The following CELF2 variants were observed in gnomAD, a reference collection of about 807,000 sequenced individuals.
CELF2 encodes the protein CUG triplet repeat RNA-binding protein 2.
A neutral mutation model predicts 62.6 loss-of-function variants in CELF2; 8 were observed. That is an observed-to-expected ratio of 0.13 (90% CI 0.07 to 0.23). The LOEUF (loss-of-function observed/expected upper bound fraction) is 0.23, where lower values mean the gene tolerates loss of function less well. Among genes scored for constraint, CELF2 ranks in the 10% least tolerant of loss-of-function variants. The pLI is 1.00. For missense variants in CELF2, 333 were observed against 671.0 expected, an observed-to-expected ratio of 0.50 and a Z score of 5.56; for synonymous variants, 258 against 250.0, an observed-to-expected ratio of 1.03 and a Z score of -0.30.
intron 1 of CELF2, among the ~76,000 whole-genome samples, chr10:11,127,053 C>G (rs573735363): frequency 6.6e-6 from 1 of 152,034 alleles, no homozygotes; most frequent in African/African-American, 2.4e-5. Flanking sequence ...GCCAGCCCCC[C>G]GCCTCATGAC....
At chr10:10,676,788 A>T in the CELF2 span, among the ~76,000 whole-genome samples, 5 of 152,272 alleles carry the variant, frequency 3.3e-5, no homozygotes, top group South Asian at 1.0e-3. Context: ...ATCTAAGAAG[A>T]GCTGTTGTCC....
At chr10:10,495,355 G>A in the CELF2 span, among the ~76,000 whole-genome samples, 2 of 152,214 alleles carry the variant, frequency 1.3e-5, no homozygotes, top group African/African-American at 2.4e-5. Flanking sequence ...ACAGCTGTGA[G>A]TCATATCTTT....
At chr10:10,765,490 T>C in the CELF2 span, among the ~76,000 whole-genome samples, 1 of 152,174 alleles carries the variant, frequency 6.6e-6, no homozygotes, top group Non-Finnish European at 1.5e-5. Context: ...CACTTACCTG[T>C]GCCCTTGCGT....
At chr10:10,779,196 T>C in the CELF2 span, among the ~76,000 whole-genome samples, 2 of 152,192 alleles carry the variant, frequency 1.3e-5, no homozygotes, top group African/African-American at 4.8e-5. Flanking sequence ...GACCCTCTTA[T>C]GTAACAGCGT....
the CELF2 span, among the ~76,000 whole-genome samples, chr10:10,468,429 G>T: frequency 0.013 from 1,943 of 152,048 alleles, 40 homozygotes; most frequent in African/African-American, 0.045. Flanking sequence ...TCCATCTCCT[G>T]TTACAATTCC....
chr10:10,838,175 G>A (rs942421280), intron 1 of CELF2, among the ~76,000 whole-genome samples: 3 of 152,050 alleles, frequency 2.0e-5, no homozygotes, highest in Non-Finnish European at 4.4e-5. Flanking sequence ...ATATTTTGTC[G>A]AATGCTCCTC....
intron 1 of CELF2, among the ~76,000 whole-genome samples, chr10:10,879,050 C>G (rs901503295): frequency 6.6e-6 from 1 of 152,196 alleles, no homozygotes; most frequent in Non-Finnish European, 1.5e-5. Context: ...AATTACCTGT[C>G]GCTTTGTATC....
chr10:10,818,544 T>TC (rs1410001227), intron 1 of CELF2, among the ~76,000 whole-genome samples: 5 of 132,984 alleles, frequency 3.8e-5, no homozygotes, highest in African/African-American at 1.4e-4. Context: ...ATTAAATATT[T>TC]CCTTTTTTTT....
intron 2 of CELF2, among the ~76,000 whole-genome samples, chr10:11,183,349 A>G (rs2073998172): frequency 6.6e-6 from 1 of 152,178 alleles, no homozygotes; most frequent in Non-Finnish European, 1.5e-5. Flanking sequence ...TCTCCTCTTG[A>G]TGAGCCTTTG....
At position 11,008,519 on chromosome 10, in the gene CELF2, G is replaced by C. The variant is rs138362406; in HGVS notation, c.53+3079G>C. ...TAGTATTCATATCTAGAACTTTGTA[G>C]CAAGTGCAGATTGTGCTAGAAGACC... On this transcript the variant is annotated intron_variant, in intron 1 of 12. Coordinates refer to the CELF2 transcript ENST00000416382. This position sits in a 1 kb window ranked among gnomAD's most constrained non-coding sequence, Gnocchi z 4.5. Among the ~76,000 whole-genome samples, 1 of 152,294 alleles carries C rather than the reference G, an allele frequency of 6.6e-6. No individual in the cohort carries two copies. The highest frequency in any genetic ancestry group is 1.5e-5 in the Non-Finnish European group (1 of 68,018).
At chr10:11,199,521 G>A (rs1192496399) in intron 2 of CELF2, among the ~76,000 whole-genome samples, 2 of 152,130 alleles carry the variant, frequency 1.3e-5, no homozygotes, top group African/African-American at 4.8e-5. Flanking sequence ...GGGCTGGAAA[G>A]GAAGATGGTC....
intron 2 of CELF2, among the ~76,000 whole-genome samples, chr10:10,940,528 CTGTGTCACACAAATGGCTT>C (rs1393124204): frequency 3.3e-5 from 5 of 152,174 alleles, no homozygotes; most frequent in African/African-American, 1.2e-4. Flanking sequence ...TCAAGAGGTT[CTGTGTCACACAAATGGCTT>C]TGTTTATGTT....
chr10:10,761,760 C>T, the CELF2 span, among the ~76,000 whole-genome samples: 2 of 152,304 alleles, frequency 1.3e-5, no homozygotes, highest in East Asian at 3.9e-4. Context: ...CAGACTGGAA[C>T]ACATACCATC....
chr10:11,076,593 C>T (rs1396535036), intron 1 of CELF2, among the ~76,000 whole-genome samples: 1 of 152,316 alleles, frequency 6.6e-6, no homozygotes, highest in Admixed American at 6.5e-5. Flanking sequence ...CTCCTGTTAC[C>T]AGTGTAACAT....
chr10:10,667,438 T>A, the CELF2 span, among the ~76,000 whole-genome samples: 1 of 152,118 alleles, frequency 6.6e-6, no homozygotes, highest in African/African-American at 2.4e-5. Flanking sequence ...TGTCAATACA[T>A]AGAAAAGGAG....
the CELF2 span, among the ~76,000 whole-genome samples, chr10:10,541,934 G>A: frequency 1.3e-5 from 2 of 152,154 alleles, no homozygotes. Flanking sequence ...AAACACCTCT[G>A]ATAATAGTTC....
intron 2 of CELF2, among the ~76,000 whole-genome samples, chr10:10,979,672 CAAAAA>C (rs35482385): frequency 2.9e-5 from 2 of 68,988 alleles, no homozygotes; most frequent in African/African-American, 4.7e-5. Flanking sequence ...CCTTGTCTCT[CAAAAA>C]AAAAAAAAAA....
intron 1 of CELF2, among the ~76,000 whole-genome samples, chr10:10,862,169 G>A (rs1030775660): frequency 1.3e-5 from 2 of 152,198 alleles, no homozygotes; most frequent in African/African-American, 4.8e-5. Flanking sequence ...TAATGTTCAT[G>A]TGTCTTGGTT....
chr10:10,734,962 G>GACT, the CELF2 span, among the ~76,000 whole-genome samples: 1 of 152,194 alleles, frequency 6.6e-6, no homozygotes, highest in Non-Finnish European at 1.5e-5. Flanking sequence ...CTGAAGCTCA[G>GACT]ACTACTCAAG....
Sources: allele counts gnomAD v4.1 joint callset (sites outside exome capture counted in the v4.1 genomes callset), GRCh38; gene constraint gnomAD v4.1.1; non-coding constraint Gnocchi (gnomAD v3.1); transcripts MANE v1.5; gene names NCBI Gene and HGNC (gene_info 2026-07-23, HGNC 2026-07-21).